The following CHD6 variants were observed in gnomAD, a reference collection of about 807,000 sequenced individuals.
CHD6 encodes ATP-dependent chromatin remodeler CHD6.
A neutral mutation model predicts 276.9 loss-of-function variants in CHD6; 50 were observed. The ratio of observed to expected loss-of-function variants is 0.18; its 90% CI spans 0.14 to 0.23. CHD6 has a LOEUF of 0.23. CHD6 is among the 10% of genes least tolerant of loss of function. The pLI is 1.00. For synonymous variants in CHD6, 1,173 were observed against 1,229.3 expected, an observed-to-expected ratio of 0.95 and a Z score of 0.96; for missense variants, 2,564 against 3,365.8, an observed-to-expected ratio of 0.76 and a Z score of 5.89.
Position 41,452,104 on chromosome 20 carries a change from C to A in CHD6, c.3324-79G>T, listed in dbSNP as rs2048257343. 1 of 1,083,676 alleles carries A rather than the reference C, an allele frequency of 9.2e-7. No homozygotes were observed. The highest frequency in any genetic ancestry group is 1.4e-6 in the Non-Finnish European group (1 of 714,876). The allele number at this position is 1,083,676 out of a possible 1,614,324, so 67.1% of individuals were successfully genotyped here. On this transcript the variant is annotated intron_variant, in intron 21 of 36. Coordinates refer to ENST00000373233, the MANE Select transcript of CHD6 (RefSeq NM_032221.5). The surrounding 1 kb of genome is among the most constrained non-coding windows in gnomAD (Gnocchi z 4.2). ...GGCAGCCTCCCCACAGGAGGAGAAA[C>A]AAGAGCCATACATGCTTTTTGTTCT...
At chr20:41,432,152 C>G (rs1389654393) in intron 27 of CHD6, among the ~76,000 whole-genome samples, 1 of 111,434 alleles carries the variant, frequency 9.0e-6, no homozygotes, top group Non-Finnish European at 1.6e-5. Context: ...AAGAGTAAAA[C>G]TCCGTCTCAA....
chr20:41,506,854 T>C (rs889896698), intron 5 of CHD6, among the ~76,000 whole-genome samples: 10 of 152,210 alleles, frequency 6.6e-5, no homozygotes, highest in Non-Finnish European at 1.2e-4. Context: ...CCTTGGCATA[T>C]AGTAGGTGCT....
chr20:41,455,940 G>A lies in CHD6; in HGVS notation c.2869C>T (p.Arg957Trp). The change falls in exon 19 of 37, where the codon CGG becomes TGG. Residue 957 changes from arginine (R) to tryptophan (W), a missense_variant. By Grantham distance (101) the Arg-to-Trp change is moderately radical (BLOSUM62 -3). This residue lies in a region of CHD6 where 457 missense variants were observed against 889.0 expected (regional missense o/e 0.51). Coordinates refer to ENST00000373233, the MANE Select transcript of CHD6 (RefSeq NM_032221.5). ...LSKMEVEDLLRKGAYGALMDE... is the reference protein window; with the variant it reads ...LSKMEVEDLLWKGAYGALMDE... The stretch of plus-strand genomic sequence containing the variant: ...ATTAAGGCTCCATAAGCACCTTTCC[G>A]GAGTAGGTCCTCCACCTCCATTTTT... 2 of 1,598,260 alleles carry A rather than the reference G, an allele frequency of 1.3e-6. No individual in the cohort carries two copies. The highest frequency in any genetic ancestry group is 1.7e-6 in the Non-Finnish European group (2 of 1,173,328).
chr20:41,589,259 T>G lies in CHD6; in HGVS notation c.-24+29081A>C, dbSNP rs192660188. The stretch of plus-strand genomic sequence containing the variant: ...ATTTATGACAAACCCACAGCCAATA[T>G]CATACTGAATGGGCAAAAACTGGAA... On this transcript the variant is annotated intron_variant, in intron 1 of 36. Coordinates refer to ENST00000373233, the MANE Select transcript of CHD6 (RefSeq NM_032221.5). 6.4e-3 allele frequency among the ~76,000 whole-genome samples: 979 copies of G among 152,262 alleles called. 11 individuals carry two copies. Among genetic ancestry groups the G allele is most frequent in the Middle Eastern group, 0.024 (7 of 294 alleles).
intron 3 of CHD6, among the ~76,000 whole-genome samples, chr20:41,525,292 A>G (rs1215717077): frequency 6.6e-6 from 1 of 152,170 alleles, no homozygotes; most frequent in Non-Finnish European, 1.5e-5. Context: ...AAACTGCCCA[A>G]TATCCTTAGA....
intron 2 of CHD6, among the ~76,000 whole-genome samples, chr20:41,536,645 A>T (rs2044837531): frequency 6.6e-6 from 1 of 152,388 alleles, no homozygotes; most frequent in East Asian, 1.9e-4. Flanking sequence ...TTTTCAACAG[A>T]AAGCCTTGAA....
chr20:41,539,181 G>C (rs1240078494), intron 2 of CHD6, among the ~76,000 whole-genome samples: 1 of 152,202 alleles, frequency 6.6e-6, no homozygotes, highest in Admixed American at 6.5e-5. Context: ...CACACTGACT[G>C]AACATGCGTG....
At chr20:41,587,846 A>G (rs2045612603) in intron 1 of CHD6, among the ~76,000 whole-genome samples, 1 of 152,130 alleles carries the variant, frequency 6.6e-6, no homozygotes, top group Non-Finnish European at 1.5e-5. Context: ...AAACCCAAAA[A>G]AACCCTGCTG....
In CHD6 at chr20:41,452,969, GA is replaced by G; in HGVS notation, c.3121-28del. The stretch of plus-strand genomic sequence containing the variant: ...TAGAAATGGAGAGGACTACTGGGAA[GA>G]AAGTCCTCTTTTCTCTACTCCTTTC... On this transcript the variant is annotated intron_variant, in intron 20 of 36. Transcript: ENST00000373233. The surrounding 1 kb of genome is among the most constrained non-coding windows in gnomAD (Gnocchi z 4.2). 1 of 1,566,740 alleles carries G rather than the reference GA, an allele frequency of 6.4e-7. No individual in the cohort carries two copies. The highest frequency in any genetic ancestry group is 8.8e-7 in the Non-Finnish European group (1 of 1,137,226).
intron 11 of CHD6, 60 bp from the exon 12 acceptor site, chr20:41,490,081 G>A (rs2043510831): frequency 7.0e-7 from 1 of 1,434,270 alleles, no homozygotes; most frequent in African/African-American, 1.4e-5. Flanking sequence ...ATAGAGGCTG[G>A]TTATAACTTG....
At chr20:41,437,762 C>T (rs1380737984) in intron 26 of CHD6, among the ~76,000 whole-genome samples, 6 of 152,176 alleles carry the variant, frequency 3.9e-5, no homozygotes, top group Admixed American at 2.6e-4. Context: ...TCTGAGAGTT[C>T]TGCATCCACA....
At chr20:41,590,846 CATCCCATTA>C (rs1345045857) in intron 1 of CHD6, among the ~76,000 whole-genome samples, 1 of 151,410 alleles carries the variant, frequency 6.6e-6, no homozygotes, top group Non-Finnish European at 1.5e-5. Flanking sequence ...TTGACCCACC[CATCCCATTA>C]CTGGGTATAT....
intron 2 of CHD6, among the ~76,000 whole-genome samples, chr20:41,543,989 T>G (rs548394314): frequency 6.6e-6 from 1 of 152,276 alleles, no homozygotes; most frequent in Admixed American, 6.5e-5. Context: ...CCTGTAATCC[T>G]ATCACTTTGG....
chr20:41,522,672 A>G (rs2044431592), intron 3 of CHD6, among the ~76,000 whole-genome samples: 1 of 151,796 alleles, frequency 6.6e-6, no homozygotes, highest in South Asian at 2.1e-4. Context: ...ACACACATAC[A>G]TAAATAGATA....
At chr20:41,564,034 T>C (rs1334994004) in intron 1 of CHD6, 3 of 779,082 alleles carry the variant, frequency 3.9e-6, no homozygotes, top group East Asian at 2.4e-5. Context: ...AGTGAAGATA[T>C]CTGGGTTCTG....
chr20:41,422,835 C>T (rs572552717), intron 30 of CHD6, among the ~76,000 whole-genome samples: 1 of 152,340 alleles, frequency 6.6e-6, no homozygotes, highest in African/African-American at 2.4e-5. Flanking sequence ...CACTTTAGCC[C>T]TGCCATATAG....
At chr20:41,408,784 A>G (rs1040691952) in intron 36 of CHD6, among the ~76,000 whole-genome samples, 1 of 152,252 alleles carries the variant, frequency 6.6e-6, no homozygotes, top group African/African-American at 2.4e-5. Context: ...TGTTAGGAAG[A>G]AAACAAGCCC....
In CHD6 at chr20:41,495,201, G is replaced by C. The variant is rs140153077; in HGVS notation, c.1093-1257C>G. 7.1e-3 allele frequency among the ~76,000 whole-genome samples: 1,087 copies of C among 152,274 alleles called. 12 individuals carry two copies. Among genetic ancestry groups the C allele is most frequent in the Middle Eastern group, 0.024 (7 of 294 alleles). The stretch of plus-strand genomic sequence containing the variant: ...ACAATAGTCAAGATTACGGAAACAA[G>C]CTAAGTGTCCATCAAGGGATGAATG... On this transcript the variant is annotated intron_variant, in intron 8 of 36. Transcript: ENST00000373233.
At position 41,447,959 on chromosome 20, in the gene CHD6, T is replaced by C. The variant is rs1356026026; in HGVS notation, c.3696A>G (p.Arg1232=). Residue 1232 remains arginine (R), a synonymous_variant, in exon 24 of 37, where the codon CGA becomes CGG. Transcript: ENST00000373233. ...CTTTTAGGTAGTACAGCATCCGGAC[T>C]CGCAAAAGTACTCTATGAAAGGTGA... ...LKQHCNKVLL[R]VRMLYYLKAE... The C allele has an allele frequency of 6.2e-7, 1 of 1,608,468 alleles. No individual in the cohort carries two copies. Among genetic ancestry groups the C allele is most frequent in the East Asian group, 2.2e-5 (1 of 44,676 alleles).
Sources: allele counts gnomAD v4.1 joint callset (sites outside exome capture counted in the v4.1 genomes callset), GRCh38; gene constraint gnomAD v4.1.1; regional missense constraint gnomAD v4.1.1; non-coding constraint Gnocchi (gnomAD v3.1); transcripts MANE v1.5; gene names NCBI Gene and HGNC (gene_info 2026-07-23, HGNC 2026-07-21).